The following HERC3 variants were observed in gnomAD, a reference collection of about 807,000 sequenced individuals.
The protein encoded by HERC3 is HECT and RLD domain containing E3 ubiquitin protein ligase 3, also known as probable E3 ubiquitin-protein ligase HERC3.
A neutral mutation model predicts 129.9 loss-of-function variants in HERC3; 58 were observed. The ratio of observed to expected loss-of-function variants is 0.45; its 90% CI spans 0.36 to 0.56. The LOEUF (loss-of-function observed/expected upper bound fraction) is 0.56. Among genes scored for constraint, HERC3 ranks in the 20% least tolerant of loss-of-function variants. The pLI is 0.00. For synonymous variants in HERC3, 430 were observed against 451.0 expected, an observed-to-expected ratio of 0.95 and a Z score of 0.59; for missense variants, 835 against 1,244.2, an observed-to-expected ratio of 0.67 and a Z score of 4.95.
the HERC3 span, among the ~76,000 whole-genome samples, chr4:88,586,096 G>A: frequency 6.6e-6 from 1 of 152,070 alleles, no homozygotes; most frequent in Non-Finnish European, 1.5e-5. Flanking sequence ...TCAAGGGTGA[G>A]GCCAAATATT....
At chr4:88,559,536 C>A in the HERC3 span, among the ~76,000 whole-genome samples, 5 of 151,984 alleles carry the variant, frequency 3.3e-5, no homozygotes, top group Admixed American at 1.3e-4. Context: ...AGTGAGATCA[C>A]GCAATTTATT....
chr4:88,688,037 T>A (rs918299923), intron 23 of HERC3, among the ~76,000 whole-genome samples: 6 of 152,198 alleles, frequency 3.9e-5, no homozygotes, highest in Non-Finnish European at 8.8e-5. Context: ...CCTTAGAAGC[T>A]TTGGGATTAG....
chr4:88,627,682 C>T (rs1726259941), intron 3 of HERC3, among the ~76,000 whole-genome samples: 1 of 152,012 alleles, frequency 6.6e-6, no homozygotes, highest in African/African-American at 2.4e-5. Flanking sequence ...GTGGGCATAT[C>T]ACCTGAGATC....
chr4:88,624,807 T>G (rs1488682754), intron 3 of HERC3, among the ~76,000 whole-genome samples: 4 of 152,214 alleles, frequency 2.6e-5, no homozygotes, highest in African/African-American at 9.6e-5. Context: ...TTTTCCTAAG[T>G]TTTCTTCTTG....
Position 88,684,337 on chromosome 4 carries a change from G to A in HERC3, c.2508-2399G>A, listed in dbSNP as rs1381546071. On this transcript the variant is annotated intron_variant, in intron 21 of 25. Coordinates refer to ENST00000402738, the MANE Select transcript of HERC3 (RefSeq NM_014606.3). ...ACACATCTACAATCATCTGATTTTC[G>A]ACAAACCTGACAAAAACAAGCAATG... Among the ~76,000 whole-genome samples the A allele has an allele frequency of 4.6e-5, 7 of 152,042 alleles. 1 individual carries two copies. The highest frequency in any genetic ancestry group is 3.9e-4 in the East Asian group (2 of 5,192).
intron 3 of HERC3, among the ~76,000 whole-genome samples, chr4:88,629,717 C>T (rs1017702519): frequency 7.2e-5 from 11 of 152,122 alleles, no homozygotes; most frequent in African/African-American, 2.4e-4. Context: ...CTTTAATTTC[C>T]AGTTCTTCAT....
chr4:88,672,383 A>G (rs1303448776), intron 16 of HERC3, among the ~76,000 whole-genome samples: 1 of 152,236 alleles, frequency 6.6e-6, no homozygotes, highest in African/African-American at 2.4e-5. Flanking sequence ...AATATGGAAA[A>G]TTACATGAAA....
the HERC3 span, among the ~76,000 whole-genome samples, chr4:88,526,504 A>G: frequency 6.6e-6 from 1 of 152,148 alleles, no homozygotes; most frequent in African/African-American, 2.4e-5. Flanking sequence ...CATTTTGCCA[A>G]TTGTTTCTTA....
chr4:88,676,782 A>G (rs762206786), intron 18 of HERC3, among the ~76,000 whole-genome samples: 15 of 152,226 alleles, frequency 9.9e-5, no homozygotes, highest in East Asian at 3.8e-4. Flanking sequence ...TGAAATTTGC[A>G]TATTATATAA....
At chr4:88,665,476 ATTTGTC>A in intron 12 of HERC3, among the ~76,000 whole-genome samples, 1 of 152,264 alleles carries the variant, frequency 6.6e-6, no homozygotes, top group South Asian at 2.1e-4. Flanking sequence ...GAGAGAAATA[ATTTGTC>A]TTTGCTCTGC....
chr4:88,613,066 G>A (rs1724525591), intron 3 of HERC3, among the ~76,000 whole-genome samples: 1 of 152,012 alleles, frequency 6.6e-6, no homozygotes, highest in African/African-American at 2.4e-5. Flanking sequence ...GGGATTTTAG[G>A]GTAAGCTAAT....
At chr4:88,585,212 C>T in the HERC3 span, among the ~76,000 whole-genome samples, 2 of 152,186 alleles carry the variant, frequency 1.3e-5, no homozygotes, top group Non-Finnish European at 2.9e-5. Context: ...TACAAAAGTC[C>T]CACACCTCCA....
chr4:88,540,874 T>C, the HERC3 span, among the ~76,000 whole-genome samples: 9 of 152,130 alleles, frequency 5.9e-5, no homozygotes, highest in East Asian at 3.8e-4. Flanking sequence ...TAAAATACTT[T>C]ATAGACAAGA....
intron 3 of HERC3, among the ~76,000 whole-genome samples, chr4:88,611,044 G>A (rs1578164352): frequency 1.3e-5 from 2 of 152,192 alleles, no homozygotes; most frequent in African/African-American, 2.4e-5. Flanking sequence ...ATTCAGCCTC[G>A]GAATCCAGCC....
chr4:88,688,443 G>A (rs1733711324), intron 23 of HERC3, among the ~76,000 whole-genome samples: 1 of 152,138 alleles, frequency 6.6e-6, no homozygotes, highest in Non-Finnish European at 1.5e-5. Flanking sequence ...TCAGGTAAAG[G>A]ATGTTAACAG....
At chr4:88,624,123 T>G (rs1292067614) in intron 3 of HERC3, among the ~76,000 whole-genome samples, 1 of 152,246 alleles carries the variant, frequency 6.6e-6, no homozygotes, top group African/African-American at 2.4e-5. Context: ...GTTTTTGTGT[T>G]TTATTACTGG....
intron 23 of HERC3, among the ~76,000 whole-genome samples, chr4:88,698,874 C>A (rs562548948): frequency 6.8e-6 from 1 of 147,174 alleles, no homozygotes; most frequent in Non-Finnish European, 1.5e-5. Flanking sequence ...TCCCCACCTT[C>A]CTCACCCTCT....
intron 10 of HERC3, among the ~76,000 whole-genome samples, chr4:88,661,704 A>G (rs1218907230): frequency 1.3e-5 from 2 of 152,212 alleles, no homozygotes; most frequent in African/African-American, 4.8e-5. Context: ...GTGTTGGGCA[A>G]CATTTGGAAT....
At chr4:88,553,848 A>G in the HERC3 span, among the ~76,000 whole-genome samples, 1 of 152,162 alleles carries the variant, frequency 6.6e-6, no homozygotes, top group Non-Finnish European at 1.5e-5. Context: ...TATAATTTCT[A>G]TACTAAAGTT....
Sources: allele counts gnomAD v4.1 joint callset (sites outside exome capture counted in the v4.1 genomes callset), GRCh38; gene constraint gnomAD v4.1.1; transcripts MANE v1.5; gene names NCBI Gene and HGNC (gene_info 2026-07-23, HGNC 2026-07-21).